The following B3GAT1 variants were observed in gnomAD, a reference collection of about 807,000 sequenced individuals.
B3GAT1 encodes beta-1,3-glucuronyltransferase 1.
In B3GAT1, 11 loss-of-function variants were observed where a neutral mutation model predicts 28.4. The observed-to-expected ratio is 0.39, with a 90% CI of 0.24 to 0.64. B3GAT1 has a LOEUF of 0.64. Among genes scored for constraint, B3GAT1 ranks in the 30% least tolerant of loss-of-function variants. The probability of loss-of-function intolerance (pLI) is 0.50; values close to 1 mark genes in which losing one functional copy is unlikely to be tolerated. For missense variants in B3GAT1, 375 were observed against 491.0 expected, an observed-to-expected ratio of 0.76 and a Z score of 2.23; for synonymous variants, 255 against 223.1, an observed-to-expected ratio of 1.14 and a Z score of -1.27.
At chr11:134,390,284 A>G (rs11820747) in intron 1 of B3GAT1, 10,911 of 152,338 alleles carry the variant, frequency 0.072, 1,071 homozygotes, top group African/African-American at 0.22. Context: ...CTGGGGCTGC[A>G]TGGGGCTGCG....
At chr11:134,382,305 A>AGGTG (rs1944146388) in intron 4 of B3GAT1, among the ~76,000 whole-genome samples, 1 of 83,320 alleles carries the variant, frequency 1.2e-5, no homozygotes, top group Non-Finnish European at 3.0e-5. Flanking sequence ...AAGACTTCCC[A>AGGTG]AGTGTGTGTG....
chr11:134,400,326 C>A, intron 1 of B3GAT1, among the ~76,000 whole-genome samples: 1 of 152,204 alleles, frequency 6.6e-6, no homozygotes, highest in Non-Finnish European at 1.5e-5. Flanking sequence ...CACACCAGGG[C>A]CCAGAGCCCA....
Position 134,388,078 on chromosome 11 carries a change from T to C in B3GAT1, c.-281-138A>G, listed in dbSNP as rs138994377. 974 of 381,066 alleles carry C rather than the reference T, an allele frequency of 2.6e-3. 15 individuals are homozygous for C. Among genetic ancestry groups the C allele is most frequent in the African/African-American group, 0.019 (906 of 47,990 alleles). The allele number at this position is 381,066 out of a possible 1,614,324, so 23.6% of individuals were successfully genotyped here. A position where few individuals can be genotyped will look rare whatever the true frequency, so the allele number is the denominator to read the frequency against. On this transcript the variant is annotated intron_variant, in intron 1 of 5. Coordinates refer to ENST00000312527, the MANE Select transcript of B3GAT1 (RefSeq NM_054025.3). ...CAACTGTCCATCACCTGAGGACCTC[T>C]TTTGTCTGCCTGTTAGAGTGGAATG...
chr11:134,387,826 C>A lies in B3GAT1; in HGVS notation c.-167G>T. ...GCTGAATGTTGGCTAGCAGGTCTTA[C>A]CAGCACTCACAACCCACCCATTGCG... On this transcript the variant is annotated 5_prime_UTR_variant, in exon 2 of 6. Coordinates refer to ENST00000312527, the MANE Select transcript of B3GAT1 (RefSeq NM_054025.3). 6.5e-7 allele frequency: 1 copy of A among 1,533,238 alleles called. No homozygotes were observed. The highest frequency in any genetic ancestry group is 8.7e-7 in the Non-Finnish European group (1 of 1,145,056). The allele number at this position is 1,533,238 out of a possible 1,614,324, so 95.0% of individuals were successfully genotyped here. A position where few individuals can be genotyped will look rare whatever the true frequency, so the allele number is the denominator to read the frequency against.
At chr11:134,389,652 C>T (rs1054396694) in intron 1 of B3GAT1, 1 of 152,626 alleles carries the variant, frequency 6.6e-6, no homozygotes, top group African/African-American at 2.4e-5. Context: ...CTCGGGCAGC[C>T]CAGCCAGCCT....
intron 1 of B3GAT1, among the ~76,000 whole-genome samples, chr11:134,394,720 G>A (rs1327801151): frequency 2.0e-5 from 3 of 152,240 alleles, no homozygotes; most frequent in Admixed American, 1.3e-4. Flanking sequence ...GAAGGGCAGC[G>A]TGAATTCCAG....
In B3GAT1 at chr11:134,404,018, TATATATATA is replaced by T. The variant is rs1565459400; in HGVS notation, c.-282+7780_-282+7788del. On this transcript the variant is annotated intron_variant, in intron 1 of 5. Transcript: ENST00000312527. ...ATATATATATATATATATATATATA[TATATATATA>T]TATTTATTATACGTTAAGTTCTAGG... Among the ~76,000 whole-genome samples, 146 of 123,190 alleles carry T rather than the reference TATATATATA, an allele frequency of 1.2e-3. 2 individuals carry two copies. The Middle Eastern group carries it at 0.016, about 13-fold the overall frequency. 80.8% of individuals were successfully genotyped at this position (123,190 alleles called of 152,430 possible). A position where few individuals can be genotyped will look rare whatever the true frequency, so the allele number is the denominator to read the frequency against.
At chr11:134,401,089 C>T (rs1944604902) in intron 1 of B3GAT1, among the ~76,000 whole-genome samples, 1 of 152,186 alleles carries the variant, frequency 6.6e-6, no homozygotes, top group Non-Finnish European at 1.5e-5. Flanking sequence ...AGCCAAAAAA[C>T]AACAGATGCT....
At position 134,380,623 on chromosome 11, in the gene B3GAT1, GCT is replaced by G. The variant is rs1944102457; in HGVS notation, c.*137_*138del. On this transcript the variant is annotated 3_prime_UTR_variant, in exon 6 of 6. Transcript: ENST00000312527. Reference sequence around the variant, plus strand: ...GTCCTTTGTTCTGGCATCAGGCTGGGCTCTCTCAGAAGCCCCCAGAATAGAAA... The same window carrying G: ...GTCCTTTGTTCTGGCATCAGGCTGGGCTCTCAGAAGCCCCCAGAATAGAAA... 1 of 152,766 alleles carries G rather than the reference GCT, an allele frequency of 6.5e-6. No individual in the cohort carries two copies. Among genetic ancestry groups the G allele is most frequent in the Non-Finnish European group, 1.5e-5 (1 of 68,118 alleles). 9.5% of individuals were successfully genotyped at this position (152,766 alleles called of 1,614,324 possible).
In B3GAT1 at chr11:134,403,983, T is replaced by A. The variant is rs938215594; in HGVS notation, c.-282+7824A>T. Reference sequence around the variant, plus strand: ...TTTAACGGGTACAGAGTTTCTTTCTTTATATATATATATATATATATATAT... The same window carrying A: ...TTTAACGGGTACAGAGTTTCTTTCTATATATATATATATATATATATATAT... On this transcript the variant is annotated intron_variant, in intron 1 of 5. Transcript: ENST00000312527. Among the ~76,000 whole-genome samples the A allele has an allele frequency of 9.2e-3, 375 of 40,666 alleles. 22 individuals are homozygous for A. The highest frequency in any genetic ancestry group is 0.04 in the African/African-American group (325 of 8,038). 26.7% of individuals were successfully genotyped at this position (40,666 alleles called of 152,430 possible). A position where few individuals can be genotyped will look rare whatever the true frequency, so the allele number is the denominator to read the frequency against.
At chr11:134,410,081 T>G (rs1162537855) in intron 1 of B3GAT1, among the ~76,000 whole-genome samples, 3 of 151,978 alleles carry the variant, frequency 2.0e-5, no homozygotes, top group Admixed American at 6.6e-5. Context: ...AACCTTCAGG[T>G]CTCCCCAGAA....
intron 2 of B3GAT1, chr11:134,385,501 G>A (rs1370726234): frequency 6.6e-6 from 1 of 152,174 alleles, no homozygotes; most frequent in African/African-American, 2.4e-5. Context: ...GCTCAGAGGG[G>A]GCTGCTTAGA....
At chr11:134,408,148 G>T (rs1436615739) in intron 1 of B3GAT1, among the ~76,000 whole-genome samples, 2 of 152,248 alleles carry the variant, frequency 1.3e-5, no homozygotes, top group Non-Finnish European at 2.9e-5. Context: ...GGAGGTGTGA[G>T]GACTCAAGCG....
chr11:134,381,797 C>T, intron 5 of B3GAT1, 127 bp downstream of exon 5: 2 of 733,204 alleles, frequency 2.7e-6, no homozygotes, highest in Non-Finnish European at 2.3e-6. Context: ...ACGACGCCCT[C>T]CACTCCTGCC....
Position 134,410,491 on chromosome 11 carries a change from A to G in B3GAT1, c.-282+1316T>C, listed in dbSNP as rs543574306. 7.2e-5 allele frequency among the ~76,000 whole-genome samples: 11 copies of G among 152,334 alleles called. No individual in the cohort carries two copies. In the South Asian group the frequency reaches 2.3e-3, roughly 32 times the overall value. ...TCTGGAACCTTTGGCAGTGCTGGGC[A>G]TGGACTGGGCAGAGTGAGAAGTCTG... On this transcript the variant is annotated intron_variant, in intron 1 of 5. Coordinates refer to ENST00000312527, the MANE Select transcript of B3GAT1 (RefSeq NM_054025.3).
intron 1 of B3GAT1, among the ~76,000 whole-genome samples, chr11:134,399,526 C>A (rs1414800192): frequency 6.6e-6 from 1 of 152,216 alleles, no homozygotes; most frequent in Admixed American, 6.5e-5. Flanking sequence ...CGGCAGGGTC[C>A]AGGGGCAAGC....
intron 1 of B3GAT1, among the ~76,000 whole-genome samples, chr11:134,399,254 A>C (rs1944562887): frequency 6.6e-6 from 1 of 152,140 alleles, no homozygotes; most frequent in Non-Finnish European, 1.5e-5. Context: ...CTATGAATAG[A>C]CCACGCCAGG....
chr11:134,404,017 A>ATT (rs1944678112), intron 1 of B3GAT1, among the ~76,000 whole-genome samples: 10 of 118,718 alleles, frequency 8.4e-5, no homozygotes, highest in African/African-American at 2.0e-4. Flanking sequence ...ATATATATAT[A>ATT]TATATATATA....
rs1229669689 is a variant in B3GAT1 at position 134,387,577 on chromosome 11, G to A, written c.83C>T (p.Thr28Ile). The A allele has an allele frequency of 1.2e-6, 2 of 1,614,112 alleles. No homozygotes were observed. Among genetic ancestry groups the A allele is most frequent in the Non-Finnish European group, 1.7e-6 (2 of 1,180,050 alleles). ...TLLITVWHQS[T>I]LAPLLAVHKD... ...ATGTACCGCGAGCAGGGGTGCGAGG[G>A]TGCTCTGGTGCCAGACAGTGATGAG... Residue 28 changes from threonine (T) to isoleucine (I), a missense_variant, in exon 2 of 6, where the codon ACC becomes ATC. Physicochemically the swap from Thr to Ile is moderately conservative, Grantham distance 89. Transcript: ENST00000312527.
Sources: gnomAD v4.1 joint callset for allele counts (sites outside exome capture counted in the v4.1 genomes callset) on GRCh38, gnomAD v4.1.1 for gene constraint, MANE v1.5 for transcripts, NCBI Gene and HGNC (gene_info 2026-07-23, HGNC 2026-07-21) for gene names.